The following KCNAB1 variants were observed in gnomAD, a reference collection of about 807,000 sequenced individuals.
KCNAB1 encodes the protein potassium voltage-gated channel subfamily A regulatory beta subunit 1.
In KCNAB1, 35 loss-of-function variants were observed where a neutral mutation model predicts 64.6. The ratio of observed to expected loss-of-function variants is 0.54; its 90% CI spans 0.41 to 0.72. The LOEUF (loss-of-function observed/expected upper bound fraction) is 0.72, where lower values mean the gene tolerates loss of function less well. Ranked by LOEUF, KCNAB1 falls within the 30% of genes least tolerant of loss-of-function variation. The pLI is 0.00. For synonymous variants in KCNAB1, 177 were observed against 183.8 expected (o/e 0.96, Z 0.30); for missense variants, 401 against 512.9 (o/e 0.78, Z 2.11).
At chr3:156,146,688 T>C (rs1200071469) in intron 1 of KCNAB1, among the ~76,000 whole-genome samples, 2 of 152,362 alleles carry the variant, frequency 1.3e-5, no homozygotes, top group East Asian at 1.9e-4. Context: ...AATGTGGCTA[T>C]TGATGATATG....
chr3:156,302,678 A>G lies in KCNAB1; in HGVS notation c.276-118938A>G, dbSNP rs115947235. On this transcript the variant is annotated intron_variant, in intron 1 of 13. Coordinates refer to ENST00000490337, the MANE Select transcript of KCNAB1 (RefSeq NM_172160.3). ...CTTTGCAATTATTATTACAGCAGCT[A>G]CTATCTGAATCTGCTCTGCTTCCCT... is the stretch of plus-strand genomic sequence containing the variant. Among the ~76,000 whole-genome samples the G allele has an allele frequency of 2.1e-3, 321 of 152,306 alleles. 1 individual carries two copies. The highest frequency in any genetic ancestry group is 7.5e-3 in the African/African-American group (311 of 41,576).
chr3:156,233,412 AG>A (rs1166073311), intron 1 of KCNAB1, among the ~76,000 whole-genome samples: 1 of 152,182 alleles, frequency 6.6e-6, no homozygotes, highest in African/African-American at 2.4e-5. Context: ...CTTTGGAAAC[AG>A]GAGTGTGTCC....
intron 5 of KCNAB1, among the ~76,000 whole-genome samples, chr3:156,461,473 TAAC>T (rs1712906637): frequency 6.6e-6 from 1 of 152,226 alleles, no homozygotes; most frequent in Non-Finnish European, 1.5e-5. Flanking sequence ...CTCTACCTAT[TAAC>T]TAATTATATC....
intron 1 of KCNAB1, chr3:156,292,213 T>G: frequency 1.4e-6 from 2 of 1,458,130 alleles, no homozygotes; most frequent in South Asian, 1.2e-5. Flanking sequence ...TGAAAAGTGA[T>G]TTACTCATCA....
chr3:156,293,110 C>T (rs1426035416), intron 1 of KCNAB1, among the ~76,000 whole-genome samples: 1 of 152,164 alleles, frequency 6.6e-6, no homozygotes, highest in Non-Finnish European at 1.5e-5. Flanking sequence ...ATAGTGGCTG[C>T]TCTAATAGGG....
At chr3:156,348,671 T>C (rs956066830) in intron 1 of KCNAB1, among the ~76,000 whole-genome samples, 3 of 152,212 alleles carry the variant, frequency 2.0e-5, no homozygotes, top group African/African-American at 7.2e-5. Context: ...AGGGGAGTGC[T>C]CTGATCTGAA....
intron 3 of KCNAB1, 63 bp from the exon 4 acceptor site, chr3:156,457,390 A>C (rs1712522494): frequency 6.2e-7 from 1 of 1,610,410 alleles, no homozygotes; most frequent in African/African-American, 1.3e-5. Flanking sequence ...TAGAGGACTC[A>C]AAGTTGCTTC....
chr3:156,244,614 A>G (rs1250168189), intron 1 of KCNAB1, among the ~76,000 whole-genome samples: 2 of 152,122 alleles, frequency 1.3e-5, no homozygotes, highest in Non-Finnish European at 2.9e-5. Context: ...TGCAAGCTCT[A>G]ATTCCTAGAG....
intron 2 of KCNAB1, among the ~76,000 whole-genome samples, chr3:156,448,017 G>A (rs1444456533): frequency 6.6e-6 from 1 of 152,204 alleles, no homozygotes; most frequent in East Asian, 1.9e-4. Flanking sequence ...AGATAGATGT[G>A]TGTGGTGGGC....
chr3:156,516,388 A>G (rs1363859416), intron 11 of KCNAB1, 24 bp downstream of exon 11: 17 of 1,534,994 alleles, frequency 1.1e-5, no homozygotes, highest in Non-Finnish European at 1.4e-5. Flanking sequence ...TGTCTAGAAA[A>G]AAGCCTGGGA....
At chr3:156,326,527 C>T (rs1400077308) in intron 1 of KCNAB1, among the ~76,000 whole-genome samples, 1 of 152,120 alleles carries the variant, frequency 6.6e-6, no homozygotes, top group Non-Finnish European at 1.5e-5. Context: ...AATCCTTCAG[C>T]AATGTGGTCT....
chr3:156,382,421 G>A (rs1712235502), intron 1 of KCNAB1, among the ~76,000 whole-genome samples: 1 of 152,142 alleles, frequency 6.6e-6, no homozygotes, highest in Non-Finnish European at 1.5e-5. Context: ...GGTGGAGGTT[G>A]CAGTGAGCCA....
intron 1 of KCNAB1, among the ~76,000 whole-genome samples, chr3:156,286,902 T>C (rs1188646529): frequency 6.6e-6 from 1 of 152,190 alleles, no homozygotes; most frequent in Non-Finnish European, 1.5e-5. Context: ...AGGCAAGTTA[T>C]TTAACTTCTC....
intron 1 of KCNAB1, among the ~76,000 whole-genome samples, chr3:156,174,673 T>C (rs1712229678): frequency 6.6e-6 from 1 of 152,200 alleles, no homozygotes; most frequent in Non-Finnish European, 1.5e-5. Context: ...TACATCAGTG[T>C]GCCCGAGGTC....
At chr3:156,194,242 G>A (rs371021630) in intron 1 of KCNAB1, among the ~76,000 whole-genome samples, 2 of 151,120 alleles carry the variant, frequency 1.3e-5, no homozygotes, top group Non-Finnish European at 2.9e-5. Context: ...TTACTGAAAC[G>A]CTTTCTTTAG....
chr3:156,511,510 C>A (rs1717210105), intron 8 of KCNAB1, among the ~76,000 whole-genome samples: 1 of 152,198 alleles, frequency 6.6e-6, no homozygotes, highest in African/African-American at 2.4e-5. Context: ...TCCCTTATCT[C>A]TGTAAACAGC....
chr3:156,524,746 C>CAAAAAA (rs10553136), intron 12 of KCNAB1, among the ~76,000 whole-genome samples: 33 of 74,454 alleles, frequency 4.4e-4, no homozygotes, highest in South Asian at 6.6e-4. Flanking sequence ...GACTCCATCT[C>CAAAAAA]AAAAAAAAAA....
chr3:156,291,850 C>T, intron 1 of KCNAB1: 1 of 1,607,116 alleles, frequency 6.2e-7, no homozygotes, highest in South Asian at 1.1e-5. Context: ...TGCTCAACCT[C>T]TCGTGACTGC....
chr3:156,230,153 G>C (rs538367798), intron 1 of KCNAB1, among the ~76,000 whole-genome samples: 6 of 152,154 alleles, frequency 3.9e-5, no homozygotes, highest in Admixed American at 2.0e-4. Flanking sequence ...CATATTTGTG[G>C]CCTTGTGTTC....
Sources: allele counts gnomAD v4.1 joint callset (sites outside exome capture counted in the v4.1 genomes callset), GRCh38; gene constraint gnomAD v4.1.1; transcripts MANE v1.5; gene names NCBI Gene and HGNC (gene_info 2026-07-23, HGNC 2026-07-21).